Variants in CDH18 observed in about 807,000 individuals in gnomAD.
CDH18 encodes the protein cadherin 18.
CDH18 carries 31 observed loss-of-function variants against 67.9 expected under a neutral mutation model. The observed-to-expected ratio is 0.46, with a 90% CI of 0.34 to 0.62. CDH18 has a LOEUF of 0.62. Ranked by LOEUF, CDH18 falls within the 20% of genes least tolerant of loss-of-function variation. The pLI is 0.01. For missense variants in CDH18, 890 were observed against 975.5 expected (o/e 0.91, Z 1.17); for synonymous variants, 362 against 347.2 (o/e 1.04, Z -0.48).
At chr5:19,745,658 A>G (rs574901860) in intron 4 of CDH18, among the ~76,000 whole-genome samples, 2 of 152,306 alleles carry the variant, frequency 1.3e-5, no homozygotes, top group South Asian at 2.1e-4. Context: ...TTGGAGATCA[A>G]TAAGCCCGAC....
chr5:20,441,124 A>T (rs1028648997), intron 1 of CDH18, among the ~76,000 whole-genome samples: 1 of 151,210 alleles, frequency 6.6e-6, no homozygotes, highest in Admixed American at 6.6e-5. Context: ...CAAGAACAGA[A>T]TTTTTGTTTT....
At chr5:19,749,565 T>C (rs1279065359) in intron 3 of CDH18, among the ~76,000 whole-genome samples, 1 of 150,982 alleles carries the variant, frequency 6.6e-6, no homozygotes, top group Non-Finnish European at 1.5e-5. Flanking sequence ...AAAATTATAC[T>C]AAGTGTACAG....
At chr5:19,593,927 T>C (rs1226171063) in intron 6 of CDH18, among the ~76,000 whole-genome samples, 2 of 151,976 alleles carry the variant, frequency 1.3e-5, no homozygotes, top group Non-Finnish European at 2.9e-5. Context: ...TTGTCTGTTT[T>C]TGTTATTATT....
intron 10 of CDH18, among the ~76,000 whole-genome samples, chr5:19,516,541 T>G (rs1370247028): frequency 6.6e-6 from 1 of 152,192 alleles, no homozygotes; most frequent in East Asian, 1.9e-4. Context: ...GTTATTGGTC[T>G]ATTCAGCGAT....
chr5:20,385,729 G>A (rs1201168334), intron 1 of CDH18, among the ~76,000 whole-genome samples: 1 of 152,106 alleles, frequency 6.6e-6, no homozygotes, highest in African/African-American at 2.4e-5. Flanking sequence ...TCTCTTTGAT[G>A]TGTCTTTATA....
chr5:19,705,941 T>A (rs529171673), intron 5 of CDH18, among the ~76,000 whole-genome samples: 2 of 152,308 alleles, frequency 1.3e-5, no homozygotes, highest in East Asian at 3.9e-4. Flanking sequence ...TTTATACCAA[T>A]TGAAGGTGCT....
chr5:20,294,421 T>A (rs1385133896), intron 1 of CDH18, among the ~76,000 whole-genome samples: 2 of 152,304 alleles, frequency 1.3e-5, no homozygotes, highest in East Asian at 3.9e-4. Flanking sequence ...ATGCGATTGG[T>A]GGGTTTTCAT....
At chr5:20,411,513 G>T (rs1746771961) in intron 1 of CDH18, among the ~76,000 whole-genome samples, 1 of 151,988 alleles carries the variant, frequency 6.6e-6, no homozygotes, top group South Asian at 2.1e-4. Context: ...TAGAGGAAAA[G>T]CTTCATGACT....
At chr5:20,520,445 TA>T (rs1755676691) in intron 1 of CDH18, among the ~76,000 whole-genome samples, 1 of 152,092 alleles carries the variant, frequency 6.6e-6, no homozygotes, top group East Asian at 1.9e-4. Context: ...CTCTTTGGCA[TA>T]AGTTTGTACC....
At chr5:19,584,914 G>A (rs1743912955) in intron 7 of CDH18, among the ~76,000 whole-genome samples, 2 of 151,598 alleles carry the variant, frequency 1.3e-5, no homozygotes, top group Non-Finnish European at 1.5e-5. Context: ...AAAATCACTT[G>A]GGCACTAGGG....
intron 10 of CDH18, among the ~76,000 whole-genome samples, chr5:19,507,220 A>T (rs994579181): frequency 6.6e-6 from 1 of 152,178 alleles, no homozygotes; most frequent in African/African-American, 2.4e-5. Flanking sequence ...ATCTCACCCC[A>T]GTTAGAATGG....
intron 1 of CDH18, among the ~76,000 whole-genome samples, chr5:20,272,747 A>G (rs1745531118): frequency 6.6e-6 from 1 of 152,038 alleles, no homozygotes; most frequent in Non-Finnish European, 1.5e-5. Flanking sequence ...CTACAAATGT[A>G]TATTCTGTAC....
chr5:20,217,127 A>G (rs1056404850), intron 2 of CDH18, among the ~76,000 whole-genome samples: 1 of 151,940 alleles, frequency 6.6e-6, no homozygotes, highest in African/African-American at 2.4e-5. Context: ...GGACTGTACT[A>G]CAGAAAATGC....
In CDH18 at chr5:19,823,948, A is replaced by G. The variant is rs78637429; in HGVS notation, c.228+14811T>C. Among the ~76,000 whole-genome samples, 470 of 152,324 alleles carry G rather than the reference A, an allele frequency of 3.1e-3. 3 individuals are homozygous for G. Among genetic ancestry groups the G allele is most frequent in the African/African-American group, 0.01 (427 of 41,576 alleles). On this transcript the variant is annotated intron_variant, in intron 3 of 12. Coordinates refer to ENST00000382275, the MANE Select transcript of CDH18 (RefSeq NM_004934.5). ...TCTCCCAAAACCACACAATTACATGAAAGTTAAACAACTTGCTCCTAAATG... is the reference window on the plus strand; with the variant it reads ...TCTCCCAAAACCACACAATTACATGGAAGTTAAACAACTTGCTCCTAAATG...
chr5:19,727,468 T>A (rs1480008356), intron 4 of CDH18, among the ~76,000 whole-genome samples: 1 of 152,156 alleles, frequency 6.6e-6, no homozygotes, highest in Non-Finnish European at 1.5e-5. Flanking sequence ...CTAGATGCTA[T>A]GGGAGAGCTG....
intron 2 of CDH18, among the ~76,000 whole-genome samples, chr5:20,192,143 C>T (rs1333178947): frequency 6.6e-6 from 1 of 150,526 alleles, no homozygotes; most frequent in African/African-American, 2.4e-5. Context: ...GTTTCTTGGT[C>T]GCATAAATGT....
At chr5:19,558,223 A>G (rs953545775) in intron 8 of CDH18, among the ~76,000 whole-genome samples, 9 of 151,640 alleles carry the variant, frequency 5.9e-5, no homozygotes, top group Non-Finnish European at 1.2e-4. Context: ...ATCTAAGGTA[A>G]CATGTCAAGG....
At chr5:20,133,309 A>C (rs1239274078) in intron 2 of CDH18, among the ~76,000 whole-genome samples, 2 of 152,176 alleles carry the variant, frequency 1.3e-5, no homozygotes, top group Non-Finnish European at 2.9e-5. Context: ...AGGAAGAGCA[A>C]AGTGACATTC....
intron 1 of CDH18, among the ~76,000 whole-genome samples, chr5:20,288,069 G>A (rs558420720): frequency 6.6e-6 from 1 of 150,830 alleles, no homozygotes; most frequent in East Asian, 2.1e-4. Context: ...CAGATATTCT[G>A]GGGTCATTTT....
Sources: gnomAD v4.1 joint callset for allele counts (sites outside exome capture counted in the v4.1 genomes callset) on GRCh38, gnomAD v4.1.1 for gene constraint, MANE v1.5 for transcripts, NCBI Gene and HGNC (gene_info 2026-07-23, HGNC 2026-07-21) for gene names.